Variants in PDE4D observed in about 807,000 individuals in gnomAD.
PDE4D encodes the protein 3',5'-cyclic-AMP phosphodiesterase 4D.
Under a neutral mutation model 87.4 loss-of-function variants are expected in PDE4D, and 24 were observed. The ratio of observed to expected loss-of-function variants is 0.27; its 90% CI spans 0.20 to 0.39. PDE4D has a LOEUF of 0.39. Ranked by LOEUF, PDE4D falls within the 10% of genes least tolerant of loss-of-function variation. The probability of loss-of-function intolerance (pLI) is 1.00; values close to 1 mark genes in which losing one functional copy is unlikely to be tolerated. For missense variants in PDE4D, 714 were observed against 1,041.0 expected, an observed-to-expected ratio of 0.69 and a Z score of 4.32; for synonymous variants, 384 against 383.2, an observed-to-expected ratio of 1.00 and a Z score of -0.02.
At chr5:59,762,858 T>G (rs1384647763) in intron 1 of PDE4D, among the ~76,000 whole-genome samples, 2 of 60,310 alleles carry the variant, frequency 3.3e-5, no homozygotes, top group Admixed American at 2.1e-4. Flanking sequence ...CTTAAGGATA[T>G]ATATATATAT....
chr5:59,063,370 A>T (rs1248024749), intron 5 of PDE4D: 1 of 152,224 alleles, frequency 6.6e-6, no homozygotes, highest in Non-Finnish European at 1.5e-5. Context: ...TTGTTGAGAC[A>T]GATTTCACTT....
chr5:60,134,795 C>T (rs1260721710), intron 2 of PDE4D, among the ~76,000 whole-genome samples: 15 of 152,082 alleles, frequency 9.9e-5, no homozygotes, highest in Admixed American at 9.8e-4. Context: ...CCAGTGCAAA[C>T]TTTTCTCTTA....
At chr5:59,248,228 C>T (rs1199060395) in intron 1 of PDE4D, among the ~76,000 whole-genome samples, 1 of 149,476 alleles carries the variant, frequency 6.7e-6, no homozygotes, top group African/African-American at 2.5e-5. Flanking sequence ...AATAAGTTGT[C>T]CTGTTCACGC....
chr5:60,088,868 A>G (rs1398060043), intron 2 of PDE4D, among the ~76,000 whole-genome samples: 1 of 152,088 alleles, frequency 6.6e-6, no homozygotes, highest in African/African-American at 2.4e-5. Context: ...CAGTTAAAAG[A>G]CAGAGTGGCT....
At chr5:59,695,339 C>G (rs1751604034) in intron 1 of PDE4D, among the ~76,000 whole-genome samples, 1 of 152,098 alleles carries the variant, frequency 6.6e-6, no homozygotes, top group Non-Finnish European at 1.5e-5. Flanking sequence ...ATTGCTTCCC[C>G]AAGGCAGGAA....
chr5:59,781,367 A>G (rs1351698989), intron 1 of PDE4D, among the ~76,000 whole-genome samples: 1 of 152,168 alleles, frequency 6.6e-6, no homozygotes, highest in Non-Finnish European at 1.5e-5. Context: ...CTGCATCTGG[A>G]AAGTCTAGAA....
chr5:59,119,645 A>G (rs1774161353), intron 5 of PDE4D, among the ~76,000 whole-genome samples: 1 of 152,208 alleles, frequency 6.6e-6, no homozygotes, highest in African/African-American at 2.4e-5. Flanking sequence ...CATCAGTAAC[A>G]CTATTTTTCA....
intron 2 of PDE4D, among the ~76,000 whole-genome samples, chr5:59,994,608 T>G (rs1294051196): frequency 2.0e-5 from 3 of 152,056 alleles, no homozygotes; most frequent in Non-Finnish European, 4.4e-5. Context: ...CAACCCCCTA[T>G]TTCTCTTCCC....
At chr5:60,066,592 T>TATC (rs55735827) in intron 2 of PDE4D, among the ~76,000 whole-genome samples, 10,614 of 149,600 alleles carry the variant, frequency 0.071, 474 homozygotes, top group African/African-American at 0.13. Flanking sequence ...TAAAGCAAAT[T>TATC]ATCATCATCA....
intron 1 of PDE4D, among the ~76,000 whole-genome samples, chr5:59,493,430 T>C (rs559306609): frequency 2.6e-5 from 4 of 152,350 alleles, no homozygotes; most frequent in Middle Eastern, 3.4e-3. Context: ...TCGAGTTTAC[T>C]ATTTGGTAAA....
intron 1 of PDE4D, among the ~76,000 whole-genome samples, chr5:59,785,846 TGTGATGCAAC>T: frequency 6.6e-6 from 1 of 152,334 alleles, no homozygotes; most frequent in East Asian, 1.9e-4. Flanking sequence ...GTGGTTTACT[TGTGATGCAAC>T]TCCTGCATTT....
chr5:60,153,487 A>T (rs1198080161), intron 2 of PDE4D, among the ~76,000 whole-genome samples: 2 of 152,226 alleles, frequency 1.3e-5, no homozygotes, highest in African/African-American at 4.8e-5. Context: ...TTAAAAATAG[A>T]ACTACCATAT....
chr5:59,127,398 A>T (rs1347713598), intron 5 of PDE4D, among the ~76,000 whole-genome samples: 1 of 152,168 alleles, frequency 6.6e-6, no homozygotes, highest in East Asian at 1.9e-4. Flanking sequence ...AAGTGTTAAC[A>T]GAATTAATTT....
At chr5:59,476,746 C>T (rs749128591) in intron 1 of PDE4D, among the ~76,000 whole-genome samples, 3 of 152,034 alleles carry the variant, frequency 2.0e-5, no homozygotes, top group Non-Finnish European at 4.4e-5. Context: ...AAATGTCCAT[C>T]TCCTCCCATC....
chr5:59,914,533 T>C (rs935290809), intron 3 of PDE4D, among the ~76,000 whole-genome samples: 3 of 105,162 alleles, frequency 2.9e-5, no homozygotes, highest in African/African-American at 4.1e-5. Flanking sequence ...GCCAGGAAGA[T>C]GTATGTGTGT....
intron 1 of PDE4D, among the ~76,000 whole-genome samples, chr5:59,643,116 A>T (rs1385153241): frequency 6.6e-6 from 1 of 152,190 alleles, no homozygotes; most frequent in Non-Finnish European, 1.5e-5. Context: ...GGCAACAGTT[A>T]GCTTAGCATG....
At chr5:59,371,034 C>A (rs746848529) in intron 1 of PDE4D, among the ~76,000 whole-genome samples, 1 of 152,172 alleles carries the variant, frequency 6.6e-6, no homozygotes, top group Non-Finnish European at 1.5e-5. Flanking sequence ...CTTAAAACAT[C>A]ATGAGACTTT....
intron 1 of PDE4D, among the ~76,000 whole-genome samples, chr5:59,490,962 A>G (rs1462584953): frequency 6.6e-6 from 1 of 152,144 alleles, no homozygotes; most frequent in Non-Finnish European, 1.5e-5. Context: ...AGACGATCAA[A>G]TCTTAGCCCT....
At chr5:60,284,353 C>T (rs1040437361) in intron 1 of PDE4D, among the ~76,000 whole-genome samples, 2 of 151,906 alleles carry the variant, frequency 1.3e-5, no homozygotes, top group Non-Finnish European at 2.9e-5. Context: ...GTAAAAAGTC[C>T]CTGAGACAAT....
Sources: gnomAD v4.1 joint callset for allele counts (sites outside exome capture counted in the v4.1 genomes callset) on GRCh38, gnomAD v4.1.1 for gene constraint, MANE v1.5 for transcripts, NCBI Gene and HGNC (gene_info 2026-07-23, HGNC 2026-07-21) for gene names.